The following RNGTT variants were observed in gnomAD, a reference collection of about 807,000 sequenced individuals.
RNGTT encodes the protein mRNA-capping enzyme.
Under a neutral mutation model 79.3 loss-of-function variants are expected in RNGTT, and 33 were observed. The observed-to-expected ratio is 0.42, with a 90% CI of 0.32 to 0.56. The LOEUF is 0.56. Among genes scored for constraint, RNGTT ranks in the 20% least tolerant of loss-of-function variants. The pLI is 0.17. For synonymous variants in RNGTT, 222 were observed against 235.9 expected (o/e 0.94, Z 0.54); for missense variants, 497 against 739.1 (o/e 0.67, Z 3.80).
At chr6:88,842,320 T>C (rs1022271204) in intron 11 of RNGTT, among the ~76,000 whole-genome samples, 1 of 152,180 alleles carries the variant, frequency 6.6e-6, no homozygotes, top group Admixed American at 6.5e-5. Flanking sequence ...TTTATATGTC[T>C]TAAAAAAAAC....
chr6:88,730,105 A>G (rs917343069), intron 13 of RNGTT, among the ~76,000 whole-genome samples: 14 of 152,224 alleles, frequency 9.2e-5, no homozygotes, highest in African/African-American at 3.4e-4. Context: ...GACATGTTAA[A>G]AAGTTTGTTA....
At chr6:88,672,953 GTACAGA>G (rs1774712826) in intron 14 of RNGTT, among the ~76,000 whole-genome samples, 1 of 152,332 alleles carries the variant, frequency 6.6e-6, no homozygotes, top group South Asian at 2.1e-4. Flanking sequence ...CAGTACAGAT[GTACAGA>G]TACTTATTGG....
intron 14 of RNGTT, among the ~76,000 whole-genome samples, chr6:88,647,701 TA>T (rs746472579): frequency 1.8e-3 from 185 of 100,828 alleles, no homozygotes; most frequent in Admixed American, 2.8e-3. Context: ...GACACCCTGT[TA>T]AAAAAAAAAA....
intron 14 of RNGTT, among the ~76,000 whole-genome samples, chr6:88,642,634 G>C: frequency 6.6e-6 from 1 of 152,118 alleles, no homozygotes; most frequent in East Asian, 1.9e-4. Flanking sequence ...GGTTGGAAAG[G>C]CAGAAAAACC....
At chr6:88,695,692 T>G (rs1775637934) in intron 13 of RNGTT, among the ~76,000 whole-genome samples, 1 of 152,222 alleles carries the variant, frequency 6.6e-6, no homozygotes. Flanking sequence ...AAGAGATATC[T>G]GCACTCTTGT....
At chr6:88,619,048 C>T (rs1043357553) in intron 14 of RNGTT, among the ~76,000 whole-genome samples, 2 of 152,126 alleles carry the variant, frequency 1.3e-5, no homozygotes, top group African/African-American at 4.8e-5. Flanking sequence ...ATAAAATACT[C>T]GTCACTTATT....
At chr6:88,705,255 G>A (rs140610094) in intron 13 of RNGTT, among the ~76,000 whole-genome samples, 191 of 152,264 alleles carry the variant, frequency 1.3e-3, no homozygotes, top group Non-Finnish European at 1.9e-3. Flanking sequence ...ATCAATGGTT[G>A]CTCGGTAGAT....
intron 1 of RNGTT, among the ~76,000 whole-genome samples, chr6:88,949,710 G>A (rs557042922): frequency 6.6e-6 from 1 of 152,322 alleles, no homozygotes; most frequent in African/African-American, 2.4e-5. Context: ...GAGAGGTAAG[G>A]AAGCTGCAGA....
intron 6 of RNGTT, among the ~76,000 whole-genome samples, chr6:88,895,991 G>A (rs993595802): frequency 8.6e-5 from 13 of 151,834 alleles, no homozygotes; most frequent in Admixed American, 3.3e-4. Context: ...TGAACACCCC[G>A]TACCGTGTCT....
intron 13 of RNGTT, among the ~76,000 whole-genome samples, chr6:88,715,046 G>A (rs1415683179): frequency 6.6e-6 from 1 of 152,150 alleles, no homozygotes; most frequent in African/African-American, 2.4e-5. Context: ...CAGATGACAT[G>A]ACTGTATATC....
At chr6:88,623,031 G>A (rs1213811641) in intron 14 of RNGTT, among the ~76,000 whole-genome samples, 1 of 152,048 alleles carries the variant, frequency 6.6e-6, no homozygotes, top group Non-Finnish European at 1.5e-5. Flanking sequence ...TGGGTTCTAA[G>A]GAGATGATAT....
At chr6:88,693,748 T>C (rs1355088718) in intron 13 of RNGTT, among the ~76,000 whole-genome samples, 1 of 152,112 alleles carries the variant, frequency 6.6e-6, no homozygotes, top group Non-Finnish European at 1.5e-5. Context: ...AAAAGGATCA[T>C]ACACCACAAT....
chr6:88,722,949 T>C (rs1776754590), intron 13 of RNGTT, among the ~76,000 whole-genome samples: 1 of 152,180 alleles, frequency 6.6e-6, no homozygotes, highest in African/African-American at 2.4e-5. Flanking sequence ...GCATATATAA[T>C]TATGTACAGT....
At chr6:88,843,517 G>A (rs1453040759) in intron 11 of RNGTT, among the ~76,000 whole-genome samples, 1 of 127,964 alleles carries the variant, frequency 7.8e-6, no homozygotes, top group East Asian at 2.6e-4. Flanking sequence ...AAAACAAAAA[G>A]AACCAACATC....
rs1458252540 is a variant in RNGTT at position 88,698,169 on chromosome 6, CATATATATGATATATATATGAA to C, written c.1440-19772_1440-19751del. Among the ~76,000 whole-genome samples the C allele has an allele frequency of 1.2e-3, 75 of 65,124 alleles. 5 individuals are homozygous for C. Among genetic ancestry groups the C allele is most frequent in the African/African-American group, 3.0e-3 (13 of 4,374 alleles). The allele number at this position is 65,124 out of a possible 152,430, so 42.7% of individuals were successfully genotyped here. On this transcript the variant is annotated intron_variant, in intron 13 of 15. Coordinates refer to ENST00000369485, the MANE Select transcript of RNGTT (RefSeq NM_003800.5). Reference sequence around the variant, plus strand: ...TATGAAATACATATGATATATATGACATATATATGATATATATATGAAATATATATGATATATATGAAATATA... The same window carrying C: ...TATGAAATACATATGATATATATGACATATATATGATATATATGAAATATA...
chr6:88,635,001 A>C (rs1773048412), intron 14 of RNGTT, among the ~76,000 whole-genome samples: 4 of 152,108 alleles, frequency 2.6e-5, no homozygotes, highest in Admixed American at 2.6e-4. Context: ...ATGAAAAAAC[A>C]TTCCTGAATG....
At chr6:88,835,366 G>A (rs185947693) in intron 11 of RNGTT, among the ~76,000 whole-genome samples, 1 of 152,150 alleles carries the variant, frequency 6.6e-6, no homozygotes, top group East Asian at 1.9e-4. Flanking sequence ...TAAGGGAAAT[G>A]TACAGAGTTC....
At chr6:88,956,260 A>G (rs942404773) in intron 1 of RNGTT, among the ~76,000 whole-genome samples, 2 of 152,000 alleles carry the variant, frequency 1.3e-5, no homozygotes, top group African/African-American at 4.8e-5. Context: ...GGAGATGGAT[A>G]AATTCCTGGA....
chr6:88,929,373 A>C, intron 2 of RNGTT, 106 bp from the exon 3 acceptor site: 3 of 688,844 alleles, frequency 4.4e-6, no homozygotes, highest in Non-Finnish European at 7.5e-6. Flanking sequence ...ACATTGAGGG[A>C]GATTCTGTAT....
Sources: allele counts gnomAD v4.1 joint callset (sites outside exome capture counted in the v4.1 genomes callset), GRCh38; gene constraint gnomAD v4.1.1; transcripts MANE v1.5; gene names NCBI Gene and HGNC (gene_info 2026-07-23, HGNC 2026-07-21).